The following RFTN1 variants were observed in gnomAD, a reference collection of about 807,000 sequenced individuals.
RFTN1 encodes the protein raftlin, lipid raft linker 1.
In RFTN1, 26 loss-of-function variants were observed where a neutral mutation model predicts 46.5. That is an observed-to-expected ratio of 0.56 (90% CI 0.41 to 0.78). RFTN1 has a LOEUF of 0.78. Among genes scored for constraint, RFTN1 ranks in the 30% least tolerant of loss-of-function variants. The probability of loss-of-function intolerance (pLI) is 0.00; values close to 1 mark genes in which losing one functional copy is unlikely to be tolerated. For missense variants in RFTN1, 693 were observed against 718.7 expected (o/e 0.96, Z 0.41); for synonymous variants, 261 against 284.2 (o/e 0.92, Z 0.82).
At chr3:16,491,575 C>G (rs1034202875) in intron 2 of RFTN1, among the ~76,000 whole-genome samples, 2 of 152,110 alleles carry the variant, frequency 1.3e-5, no homozygotes, top group African/African-American at 4.8e-5. Context: ...AGTGTGGATG[C>G]TGCAGCTGAA....
At chr3:16,355,343 T>C (rs73039463) in intron 7 of RFTN1, among the ~76,000 whole-genome samples, 1,546 of 152,356 alleles carry the variant, frequency 0.01, 14 homozygotes, top group Non-Finnish European at 0.016. Context: ...TTATAAATAA[T>C]AGAAACTTAT....
intron 2 of RFTN1, among the ~76,000 whole-genome samples, chr3:16,485,559 T>A (rs768242971): frequency 5.3e-5 from 8 of 152,240 alleles, no homozygotes; most frequent in Non-Finnish European, 1.2e-4. Context: ...CACGGTATGA[T>A]TCTATGTACA....
In RFTN1 at chr3:16,480,165, A is replaced by G. The variant is rs976442602; in HGVS notation, c.145+13560T>C. On this transcript the variant is annotated intron_variant, in intron 2 of 9. Coordinates refer to ENST00000334133, the MANE Select transcript of RFTN1 (RefSeq NM_015150.2). The surrounding 1 kb of genome is among the most constrained non-coding windows in gnomAD (Gnocchi z 4.3). ...TTGCCAGACAAGACTGCTTTCTCCA[A>G]AAAGAAAAGTCCACCCACAAGCTTG... is the stretch of plus-strand genomic sequence containing the variant. Among the ~76,000 whole-genome samples, 2 of 152,232 alleles carry G rather than the reference A, an allele frequency of 1.3e-5. No homozygotes were observed. The highest frequency in any genetic ancestry group is 2.4e-5 in the African/African-American group (1 of 41,448).
chr3:16,433,722 T>C lies in RFTN1; in HGVS notation c.332+129A>G, dbSNP rs2075439894. ...GTTGTCTAACTGTTTGCCTCACCTG[T>C]CTGAGGGCTGAGGCCCTGAGGACAG... On this transcript the variant is annotated intron_variant, in intron 3 of 9. Transcript: ENST00000334133. The surrounding 1 kb of genome is among the most constrained non-coding windows in gnomAD (Gnocchi z 4.4). 1 of 916,104 alleles carries C rather than the reference T, an allele frequency of 1.1e-6. No individual in the cohort carries two copies. The highest frequency in any genetic ancestry group is 1.7e-6 in the Non-Finnish European group (1 of 572,318). 56.7% of individuals were successfully genotyped at this position (916,104 alleles called of 1,614,324 possible). A position where few individuals can be genotyped will look rare whatever the true frequency, so the allele number is the denominator to read the frequency against.
At position 16,317,093 on chromosome 3, in the gene RFTN1, A is replaced by G. The variant is rs1276137723; in HGVS notation, c.1472T>C (p.Met491Thr). The change falls in exon 10 of 10, where the codon ATG (methionine) becomes ACG (threonine). Residue 491 changes from methionine (M) to threonine (T), a missense_variant. Transcript: ENST00000334133. The surrounding 1 kb of genome is among the most constrained non-coding windows in gnomAD (Gnocchi z 4.3). ...LEDQSSKAGD[M>T]GNCVSGQQQE... Reference sequence around the variant, plus strand: ...CTGCTGTCCTGAAACACAGTTTCCCATGTCTCCAGCTTTGGAAGACTGGTC... The same window carrying G: ...CTGCTGTCCTGAAACACAGTTTCCCGTGTCTCCAGCTTTGGAAGACTGGTC... 1.9e-6 allele frequency: 3 copies of G among 1,613,744 alleles called. No individual in the cohort carries two copies. In the African/African-American group the frequency reaches 4.0e-5, roughly 22 times the overall value.
rs981192040 is a variant in RFTN1 at position 16,447,138 on chromosome 3, C to T, written c.146-13101G>A. 6.6e-5 allele frequency among the ~76,000 whole-genome samples: 10 copies of T among 152,188 alleles called. No individual in the cohort carries two copies. The highest frequency in any genetic ancestry group is 1.9e-4 in the African/African-American group (8 of 41,442). ...CCTTTTCCTCACTGTAGTGTAGACA[C>T]ACCATATATTCAGCAGTGCAGCCAC... On this transcript the variant is annotated intron_variant, in intron 2 of 9. Transcript: ENST00000334133. The surrounding 1 kb of genome is among the most constrained non-coding windows in gnomAD (Gnocchi z 5.9).
At chr3:16,477,599 G>A (rs1462410545) in intron 2 of RFTN1, among the ~76,000 whole-genome samples, 1 of 152,210 alleles carries the variant, frequency 6.6e-6, no homozygotes, top group Admixed American at 6.5e-5. Flanking sequence ...CATATGGGAA[G>A]AGCCAAACCT....
In RFTN1 at chr3:16,337,994, C is replaced by T. The variant is rs1412707109; in HGVS notation, c.1147-11118G>A. Reference sequence around the variant, plus strand: ...CCTGGAAGAGAGAGATAAAAACCCACACTGGGTAGATCGTCCTAGCTCGAG... The same window carrying T: ...CCTGGAAGAGAGAGATAAAAACCCATACTGGGTAGATCGTCCTAGCTCGAG... On this transcript the variant is annotated intron_variant, in intron 7 of 9. Transcript: ENST00000334133. This position sits in a 1 kb window ranked among gnomAD's most constrained non-coding sequence, Gnocchi z 5.0. Among the ~76,000 whole-genome samples, 1 of 152,216 alleles carries T rather than the reference C, an allele frequency of 6.6e-6. No individual in the cohort carries two copies. The highest frequency in any genetic ancestry group is 1.5e-5 in the Non-Finnish European group (1 of 68,040).
Position 16,452,460 on chromosome 3 carries a change from G to T in RFTN1, c.146-18423C>A, listed in dbSNP as rs571330802. The stretch of plus-strand genomic sequence containing the variant: ...TCATGGGTTTATGCCAAAAGATGAC[G>T]CAGAGCTAGTCAGCAGAAACACTGT... On this transcript the variant is annotated intron_variant, in intron 2 of 9. Coordinates refer to ENST00000334133, the MANE Select transcript of RFTN1 (RefSeq NM_015150.2). The surrounding 1 kb of genome is among the most constrained non-coding windows in gnomAD (Gnocchi z 6.3). Among the ~76,000 whole-genome samples, 4 of 152,282 alleles carry T rather than the reference G, an allele frequency of 2.6e-5. No individual in the cohort carries two copies. The South Asian group carries it at 6.2e-4, about 24-fold the overall frequency.
At chr3:16,358,417 T>C (rs2072603140) in intron 6 of RFTN1, among the ~76,000 whole-genome samples, 2 of 149,874 alleles carry the variant, frequency 1.3e-5, no homozygotes, top group Admixed American at 1.4e-4. Context: ...AAGCAAACTA[T>C]ATTTAGGTGA....
chr3:16,377,864 G>A lies in RFTN1; in HGVS notation c.680C>T (p.Pro227Leu), dbSNP rs2073838728. 3 of 1,614,168 alleles carry A rather than the reference G, an allele frequency of 1.9e-6. No homozygotes were observed. The highest frequency in any genetic ancestry group is 1.7e-6 in the Non-Finnish European group (2 of 1,180,018). ...CTTGGCGAGGGGCACCTCCCCTCTG[G>A]GGCCTGAGCTGGGCTCTGGGCTTTG... ...RNQSPEPSSG[P>L]RGEVPLAKQP... The change falls in exon 5 of 10, where the codon CCC becomes CTC. Residue 227 changes from proline (P) to leucine (L), a missense_variant. By Grantham distance (98) the Pro-to-Leu change is moderately conservative (BLOSUM62 -3). Coordinates refer to ENST00000334133, the MANE Select transcript of RFTN1 (RefSeq NM_015150.2).
In RFTN1 at chr3:16,342,501, A is replaced by G. The variant is rs931364204; in HGVS notation, c.1146+15431T>C. Among the ~76,000 whole-genome samples, 1 of 152,238 alleles carries G rather than the reference A, an allele frequency of 6.6e-6. No homozygotes were observed. Among genetic ancestry groups the G allele is most frequent in the Non-Finnish European group, 1.5e-5 (1 of 68,044 alleles). On this transcript the variant is annotated intron_variant, in intron 7 of 9. Coordinates refer to ENST00000334133, the MANE Select transcript of RFTN1 (RefSeq NM_015150.2). The surrounding 1 kb of genome is among the most constrained non-coding windows in gnomAD (Gnocchi z 4.0). ...AAAGCTGCCATCAACATTAATGTAC[A>G]TAGGTCTTTATGTGGACATATGTTT...
In RFTN1 at chr3:16,387,596, CTCTCTCTCTCTCTCTA is replaced by C. The variant is rs893966481; in HGVS notation, c.442-9510_442-9495del. Reference sequence around the variant, plus strand: ...TCTCTCTCTCTCTCTCTCTCTCTCTCTCTCTCTCTCTCTCTACTGGCTCCTTCCACTCAGCATACAA... The same window carrying C: ...TCTCTCTCTCTCTCTCTCTCTCTCTCCTGGCTCCTTCCACTCAGCATACAA... On this transcript the variant is annotated intron_variant, in intron 4 of 9. Coordinates refer to ENST00000334133, the MANE Select transcript of RFTN1 (RefSeq NM_015150.2). The surrounding 1 kb of genome is among the most constrained non-coding windows in gnomAD (Gnocchi z 5.2). Among the ~76,000 whole-genome samples the C allele has an allele frequency of 1.6e-4, 24 of 151,228 alleles. No homozygotes were observed. The highest frequency in any genetic ancestry group is 5.6e-4 in the African/African-American group (23 of 40,880).
rs1399422235 is a variant in RFTN1 at position 16,321,955 on chromosome 3, CTG to C, written c.1332+1419_1332+1420del. On this transcript the variant is annotated intron_variant, in intron 9 of 9. Transcript: ENST00000334133. The surrounding 1 kb of genome is among the most constrained non-coding windows in gnomAD (Gnocchi z 4.8). ...CAACCACATGTCTCTCCTTTGGAATCTGTGTGCCCCACCACCAGGAACCTGTT... is the reference window on the plus strand; with the variant it reads ...CAACCACATGTCTCTCCTTTGGAATCTGTGCCCCACCACCAGGAACCTGTT... Among the ~76,000 whole-genome samples, 1 of 152,220 alleles carries C rather than the reference CTG, an allele frequency of 6.6e-6. No individual in the cohort carries two copies. The highest frequency in any genetic ancestry group is 1.5e-5 in the Non-Finnish European group (1 of 68,036).
chr3:16,408,369 C>T (rs1366987376), intron 4 of RFTN1, among the ~76,000 whole-genome samples: 2 of 152,182 alleles, frequency 1.3e-5, no homozygotes, highest in East Asian at 1.9e-4. Flanking sequence ...TAGTACATTC[C>T]TGGCTCAAAG....
rs2075008412 is a variant in RFTN1 at position 16,413,196 on chromosome 3, G to A, written c.333-3713C>T. Among the ~76,000 whole-genome samples, 1 of 152,234 alleles carries A rather than the reference G, an allele frequency of 6.6e-6. No individual in the cohort carries two copies. The highest frequency in any genetic ancestry group is 2.4e-5 in the African/African-American group (1 of 41,450). On this transcript the variant is annotated intron_variant, in intron 3 of 9. Transcript: ENST00000334133. This position sits in a 1 kb window ranked among gnomAD's most constrained non-coding sequence, Gnocchi z 4.7. ...GAACAGGCCACCCACTGGTGACCAG[G>A]CCTAGGCCCAAACCCACAAAATCCA...
chr3:16,326,515 C>T (rs1376628208), intron 8 of RFTN1, among the ~76,000 whole-genome samples: 3 of 152,156 alleles, frequency 2.0e-5, no homozygotes, highest in East Asian at 1.9e-4. Flanking sequence ...TCAGTCTGAG[C>T]GGCTCATCTT....
Position 16,483,391 on chromosome 3 carries a change from T to C in RFTN1, c.145+10334A>G, listed in dbSNP as rs559076541. Among the ~76,000 whole-genome samples, 14 of 152,098 alleles carry C rather than the reference T, an allele frequency of 9.2e-5. No individual in the cohort carries two copies. Among genetic ancestry groups the C allele is most frequent in the Non-Finnish European group, 1.6e-4 (11 of 68,010 alleles). On this transcript the variant is annotated intron_variant, in intron 2 of 9. Coordinates refer to ENST00000334133, the MANE Select transcript of RFTN1 (RefSeq NM_015150.2). This position sits in a 1 kb window ranked among gnomAD's most constrained non-coding sequence, Gnocchi z 4.8. The stretch of plus-strand genomic sequence containing the variant: ...GAACCTGCAGGCACCAGCAGCCAGG[T>C]ATCCATCTTAGCCAGCTCCCTGAGA...
chr3:16,476,707 T>C (rs930163856), intron 2 of RFTN1, among the ~76,000 whole-genome samples: 1 of 151,912 alleles, frequency 6.6e-6, no homozygotes, highest in Non-Finnish European at 1.5e-5. Flanking sequence ...CTATAAGAGG[T>C]ATTTGGAGCA....
Sources: allele counts gnomAD v4.1 joint callset (sites outside exome capture counted in the v4.1 genomes callset), GRCh38; gene constraint gnomAD v4.1.1; non-coding constraint Gnocchi (gnomAD v3.1); transcripts MANE v1.5; gene names NCBI Gene and HGNC (gene_info 2026-07-23, HGNC 2026-07-21).